The following CBFA2T3 variants were observed in gnomAD, a reference collection of about 807,000 sequenced individuals.
CBFA2T3 encodes transcriptional corepressor CBFA2T3.
In CBFA2T3, 31 loss-of-function variants were observed where a neutral mutation model predicts 58.6. The observed-to-expected ratio is 0.53, with a 90% CI of 0.40 to 0.71. The LOEUF (loss-of-function observed/expected upper bound fraction) is 0.71, where lower values mean the gene tolerates loss of function less well. Among genes scored for constraint, CBFA2T3 ranks in the 30% least tolerant of loss-of-function variants. The pLI is 0.00. For missense variants in CBFA2T3, 1,076 were observed against 963.1 expected, an observed-to-expected ratio of 1.12 and a Z score of -1.55; for synonymous variants, 531 against 421.9, an observed-to-expected ratio of 1.26 and a Z score of -3.17.
intron 5 of CBFA2T3, among the ~76,000 whole-genome samples, chr16:88,889,602 A>C (rs1408987239): frequency 2.0e-5 from 3 of 151,938 alleles, no homozygotes; most frequent in Non-Finnish European, 2.9e-5. Flanking sequence ...CAGTTTCCCC[A>C]CCTGTTAATC....
At chr16:88,969,180 G>A (rs899691089) in intron 1 of CBFA2T3, among the ~76,000 whole-genome samples, 3 of 152,224 alleles carry the variant, frequency 2.0e-5, no homozygotes, top group African/African-American at 7.2e-5. Context: ...GTGAGGGGCT[G>A]CAGCGGACAC....
chr16:88,967,218 C>A (rs1446981669), intron 1 of CBFA2T3, among the ~76,000 whole-genome samples: 1 of 127,138 alleles, frequency 7.9e-6, no homozygotes, highest in African/African-American at 3.2e-5. Context: ...CCATGCCACC[C>A]CCCCAGCCCC....
In CBFA2T3 at chr16:88,892,385, C is replaced by G. The variant is rs565744308; in HGVS notation, c.480G>C (p.Leu160Phe). ...NGPATSSTAS[L>F]STQHLPPACG... ...AGGCTGGGGGCAGGTGCTGTGTGGA[C>G]AAGGAGGCTGTGGACGAGGTGGCCG... Residue 160 changes from leucine (L) to phenylalanine (F), a missense_variant, in exon 4 of 12, where the codon TTG becomes TTC. Leu to Phe is a conservative substitution (Grantham distance 22). Transcript: ENST00000268679. 1.2e-6 allele frequency: 2 copies of G among 1,613,490 alleles called. No individual in the cohort carries two copies. The highest frequency in any genetic ancestry group is 2.2e-5 in the South Asian group (2 of 91,078).
chr16:88,894,152 C>G lies in CBFA2T3; in HGVS notation c.380-1667G>C, dbSNP rs548755776. On this transcript the variant is annotated intron_variant, in intron 3 of 11. Coordinates refer to ENST00000268679, the MANE Select transcript of CBFA2T3 (RefSeq NM_005187.6). ...ACTCACCCCCCACCACCCTTACACA[C>G]ATGCACGCACACATGCACACACACA... 9.9e-5 allele frequency among the ~76,000 whole-genome samples: 15 copies of G among 152,048 alleles called. No homozygotes were observed. In the South Asian group the frequency reaches 3.1e-3, roughly 32 times the overall value.
At chr16:88,941,433 CGGCGCCCATG>C (rs1971727465) in intron 1 of CBFA2T3, among the ~76,000 whole-genome samples, 2 of 147,366 alleles carry the variant, frequency 1.4e-5, no homozygotes. Flanking sequence ...GCCTCCCGCC[CGGCGCCCATG>C]GCGCTCAGCT....
intron 1 of CBFA2T3, among the ~76,000 whole-genome samples, chr16:88,971,044 C>T (rs1417043374): frequency 2.0e-5 from 3 of 150,438 alleles, no homozygotes; most frequent in South Asian, 2.1e-4. Flanking sequence ...GCGGTGGGGT[C>T]GGGCCGGGAG....
intron 1 of CBFA2T3, among the ~76,000 whole-genome samples, chr16:88,954,402 C>G (rs1377709108): frequency 7.0e-6 from 1 of 143,710 alleles, no homozygotes; most frequent in Non-Finnish European, 1.5e-5. Flanking sequence ...TGACCCTACC[C>G]AAGACTCCTG....
intron 3 of CBFA2T3, among the ~76,000 whole-genome samples, chr16:88,897,289 GA>G (rs1348967301): frequency 1.3e-5 from 2 of 152,250 alleles, no homozygotes; most frequent in African/African-American, 4.8e-5. Flanking sequence ...CTGTGCAACA[GA>G]AACAACGCAC....
chr16:88,930,121 G>A (rs898783598), intron 1 of CBFA2T3, among the ~76,000 whole-genome samples: 1 of 145,386 alleles, frequency 6.9e-6, no homozygotes, highest in Non-Finnish European at 1.5e-5. Context: ...AATACCCAGA[G>A]CTGCATGGTC....
At chr16:88,883,707 T>C (rs1969233976) in intron 7 of CBFA2T3, 4 of 149,926 alleles carry the variant, frequency 2.7e-5, no homozygotes, top group Admixed American at 2.6e-4. Context: ...GTGGCCGACT[T>C]CCACGGTGGC....
chr16:88,921,482 G>A (rs947582759), intron 1 of CBFA2T3, among the ~76,000 whole-genome samples: 9 of 152,308 alleles, frequency 5.9e-5, no homozygotes, highest in East Asian at 1.9e-4. Flanking sequence ...GATCCAGGGC[G>A]GCGAGTGGGC....
At chr16:88,891,666 A>G (rs1969636290) in intron 5 of CBFA2T3, among the ~76,000 whole-genome samples, 1 of 152,188 alleles carries the variant, frequency 6.6e-6, no homozygotes. Context: ...GGCCTTAACT[A>G]GTAGGAGTCA....
rs55776646 is a variant in CBFA2T3, at chr16:88,896,322, G to C, written c.379+1756C>G. Among the ~76,000 whole-genome samples the C allele has an allele frequency of 9.9e-3, 1,504 of 152,304 alleles. 19 individuals are homozygous for C. The highest frequency in any genetic ancestry group is 0.014 in the Non-Finnish European group (959 of 68,028). ...CCCCTCAACCGGGCAACCTGCACAG[G>C]GGGTAGCCTGTCTGCGCCCCTGGCT... On this transcript the variant is annotated intron_variant, in intron 3 of 11. Coordinates refer to ENST00000268679, the MANE Select transcript of CBFA2T3 (RefSeq NM_005187.6).
intron 1 of CBFA2T3, chr16:88,936,925 T>C (rs1457663922): frequency 6.6e-6 from 1 of 152,184 alleles, no homozygotes; most frequent in African/African-American, 2.4e-5. Context: ...TATCTCTCAC[T>C]CTCCTCATCG....
chr16:88,892,009 C>T (rs752260679), intron 4 of CBFA2T3, 38 bp from the exon 5 acceptor site: 76 of 1,548,770 alleles, frequency 4.9e-5, no homozygotes, highest in Admixed American at 2.5e-4. Context: ...CAGCACCGCT[C>T]GGCATGTGAG....
chr16:88,963,870 C>T (rs1380764169), intron 1 of CBFA2T3, among the ~76,000 whole-genome samples: 1 of 152,216 alleles, frequency 6.6e-6, no homozygotes, highest in East Asian at 1.9e-4. Flanking sequence ...GAGGCCTGGC[C>T]TGGCCACACG....
At chr16:88,966,614 G>A (rs1972510531) in intron 1 of CBFA2T3, among the ~76,000 whole-genome samples, 1 of 152,188 alleles carries the variant, frequency 6.6e-6, no homozygotes, top group African/African-American at 2.4e-5. Flanking sequence ...TCCCTTGGAG[G>A]CCGGCCCTGG....
chr16:88,882,720 GCTTGTGGTCGATCA>G lies in CBFA2T3; in HGVS notation c.1145_1158del (p.Val382AlafsTer5). On this transcript the variant is annotated frameshift_variant, in exon 8 of 12. Transcript: ENST00000268679. LOFTEE classifies it high-confidence loss of function. ...TCTTCTGCCCACTCACGCTCTGTGA[GCTTGTGGTCGATCA>G]CTTCTTCCTGCCGGGACCCAGGCAC... The G allele has an allele frequency of 6.3e-7, 1 of 1,591,014 alleles. No homozygotes were observed. Among genetic ancestry groups the G allele is most frequent in the African/African-American group, 1.3e-5 (1 of 74,830 alleles).
chr16:88,954,115 C>T (rs900367869), intron 1 of CBFA2T3, among the ~76,000 whole-genome samples: 12 of 152,134 alleles, frequency 7.9e-5, no homozygotes, highest in African/African-American at 2.7e-4. Context: ...CCTCTGAAGA[C>T]CCCAAATCTC....
Sources: allele counts gnomAD v4.1 joint callset (sites outside exome capture counted in the v4.1 genomes callset), GRCh38; gene constraint gnomAD v4.1.1; transcripts MANE v1.5; gene names NCBI Gene and HGNC (gene_info 2026-07-23, HGNC 2026-07-21).